THSD7B: variants seen among roughly 807,000 people sequenced by gnomAD.
THSD7B encodes the protein thrombospondin type 1 domain containing 7B, also known as thrombospondin type-1 domain-containing protein 7B.
In THSD7B, 138 loss-of-function variants were observed where a neutral mutation model predicts 213.6. The ratio of observed to expected loss-of-function variants is 0.65; its 90% confidence interval spans 0.56 to 0.74. The LOEUF (loss-of-function observed/expected upper bound fraction) is 0.74. Ranked by LOEUF, THSD7B falls within the 30% of genes least tolerant of loss-of-function variation. The pLI is 0.00. For missense variants in THSD7B, 1,931 were observed against 1,991.5 expected (o/e 0.97, Z 0.58); for synonymous variants, 742 against 687.0 (o/e 1.08, Z -1.25).
At chr2:136,938,541 CT>C (rs1393717613) in intron 2 of THSD7B, among the ~76,000 whole-genome samples, 1 of 151,862 alleles carries the variant, frequency 6.6e-6, no homozygotes, top group East Asian at 1.9e-4. Context: ...ATTTGCCTGG[CT>C]TTTTTTCAGA....
intron 5 of THSD7B, among the ~76,000 whole-genome samples, chr2:137,135,082 C>G (rs1048874455): frequency 1.3e-5 from 2 of 152,158 alleles, no homozygotes; most frequent in African/African-American, 4.8e-5. Flanking sequence ...AAATAGTAAA[C>G]ATATAATGCT....
chr2:136,855,959 GTC>G (rs1405610266), intron 1 of THSD7B, among the ~76,000 whole-genome samples: 2 of 146,394 alleles, frequency 1.4e-5, no homozygotes, highest in African/African-American at 2.6e-5. Context: ...TACCATTTAA[GTC>G]TCAACTTGAA....
intron 2 of THSD7B, among the ~76,000 whole-genome samples, chr2:136,887,201 C>T (rs940108390): frequency 3.3e-5 from 5 of 152,032 alleles, no homozygotes; most frequent in African/African-American, 1.2e-4. Flanking sequence ...ACATTTTCAT[C>T]ACCCCAAGCT....
chr2:136,855,287 C>G (rs753217850), intron 1 of THSD7B, among the ~76,000 whole-genome samples: 11 of 152,044 alleles, frequency 7.2e-5, no homozygotes, highest in Non-Finnish European at 1.5e-4. Context: ...CAGATCATAT[C>G]ACCTTTCTAC....
chr2:137,070,736 C>CG (rs1687468444), intron 3 of THSD7B, among the ~76,000 whole-genome samples: 2 of 151,850 alleles, frequency 1.3e-5, no homozygotes, highest in South Asian at 4.1e-4. Context: ...CAACAATCCC[C>CG]GGTGTATGAT....
chr2:137,549,054 G>C (rs1220848024), intron 15 of THSD7B, among the ~76,000 whole-genome samples: 1 of 151,954 alleles, frequency 6.6e-6, no homozygotes, highest in Non-Finnish European at 1.5e-5. Flanking sequence ...CATAAGGAAA[G>C]TAAAGGTTTT....
chr2:137,150,778 T>C (rs548939669), intron 5 of THSD7B, among the ~76,000 whole-genome samples: 2 of 152,138 alleles, frequency 1.3e-5, no homozygotes, highest in African/African-American at 2.4e-5. Context: ...ACAAATCTAG[T>C]TGGGATAGTC....
At chr2:137,046,786 A>T (rs1686979356) in intron 2 of THSD7B, among the ~76,000 whole-genome samples, 1 of 150,772 alleles carries the variant, frequency 6.6e-6, no homozygotes, top group Non-Finnish European at 1.5e-5. Context: ...CCGCCCAGGT[A>T]TTGGAAGGAG....
intron 17 of THSD7B, among the ~76,000 whole-genome samples, chr2:137,612,950 C>G (rs973014944): frequency 6.6e-6 from 1 of 152,086 alleles, no homozygotes; most frequent in African/African-American, 2.4e-5. Flanking sequence ...CAGAACCTTC[C>G]CAGCTACTTG....
At chr2:137,152,385 T>A (rs1679835617) in intron 5 of THSD7B, among the ~76,000 whole-genome samples, 1 of 152,216 alleles carries the variant, frequency 6.6e-6, no homozygotes, top group African/African-American at 2.4e-5. Flanking sequence ...CAGCTTACTT[T>A]TCTATTATAA....
At chr2:136,992,027 C>T (rs1685794391) in intron 2 of THSD7B, among the ~76,000 whole-genome samples, 1 of 152,168 alleles carries the variant, frequency 6.6e-6, no homozygotes, top group East Asian at 1.9e-4. Flanking sequence ...GCTACAAAGT[C>T]ACGTTCATGA....
chr2:136,946,889 C>G (rs1393128222), intron 2 of THSD7B, among the ~76,000 whole-genome samples: 1 of 152,172 alleles, frequency 6.6e-6, no homozygotes. Flanking sequence ...TACAGTCTGT[C>G]GTGACTTCCC....
At chr2:137,080,766 A>C (rs111587431) in intron 3 of THSD7B, among the ~76,000 whole-genome samples, 13 of 152,044 alleles carry the variant, frequency 8.6e-5, no homozygotes, top group African/African-American at 2.9e-4. Flanking sequence ...TTTTCATAGC[A>C]TGAAATATTT....
intron 2 of THSD7B, among the ~76,000 whole-genome samples, chr2:136,943,079 A>G (rs1280925908): frequency 6.6e-6 from 1 of 152,168 alleles, no homozygotes; most frequent in Non-Finnish European, 1.5e-5. Flanking sequence ...GAATTTTGTC[A>G]AAGGCCTTTT....
chr2:136,878,996 C>T (rs1389298494), intron 1 of THSD7B, among the ~76,000 whole-genome samples: 2 of 152,140 alleles, frequency 1.3e-5, no homozygotes, highest in African/African-American at 4.8e-5. Flanking sequence ...TTGCCCATGC[C>T]TATGTCCTGA....
chr2:137,617,337 T>C (rs1254185398), intron 18 of THSD7B, among the ~76,000 whole-genome samples: 1 of 152,212 alleles, frequency 6.6e-6, no homozygotes, highest in East Asian at 1.9e-4. Flanking sequence ...TTAAAGAGTT[T>C]TTATATGACC....
chr2:137,531,548 A>G (rs1246782358), intron 15 of THSD7B, among the ~76,000 whole-genome samples: 2 of 151,956 alleles, frequency 1.3e-5, no homozygotes, highest in East Asian at 3.9e-4. Flanking sequence ...TTTAAGCAGT[A>G]AAATTGCATG....
intron 1 of THSD7B, among the ~76,000 whole-genome samples, chr2:136,863,427 G>T (rs979424426): frequency 6.6e-6 from 1 of 152,184 alleles, no homozygotes; most frequent in African/African-American, 2.4e-5. Flanking sequence ...AGGTGTGTCA[G>T]CTTTTCACAG....
intron 5 of THSD7B, among the ~76,000 whole-genome samples, chr2:137,116,606 A>G (rs1369145601): frequency 2.0e-5 from 3 of 152,206 alleles, no homozygotes; most frequent in African/African-American, 4.8e-5. Context: ...TTAATCTGCT[A>G]TTGACATTTT....
Sources: gnomAD v4.1 joint callset for allele counts (sites outside exome capture counted in the v4.1 genomes callset) on GRCh38, gnomAD v4.1.1 for gene constraint, MANE v1.5 for transcripts, NCBI Gene and HGNC (gene_info 2026-07-23, HGNC 2026-07-21) for gene names.